MAPK10: variants seen among roughly 807,000 people sequenced by gnomAD.
The protein encoded by MAPK10 is JNK3 alpha protein kinase.
Under a neutral mutation model 59.3 loss-of-function variants are expected in MAPK10, and 25 were observed. The ratio of observed to expected loss-of-function variants is 0.42; its 90% confidence interval spans 0.31 to 0.59. MAPK10 has a LOEUF of 0.59. MAPK10 is among the 20% of genes least tolerant of loss of function. The pLI is 0.15. For synonymous variants in MAPK10, 190 were observed against 200.5 expected, an observed-to-expected ratio of 0.95 and a Z score of 0.44; for missense variants, 351 against 568.9, an observed-to-expected ratio of 0.62 and a Z score of 3.90.
chr4:86,303,285 G>C (rs1398460313), intron 2 of MAPK10, among the ~76,000 whole-genome samples: 1 of 151,994 alleles, frequency 6.6e-6, no homozygotes, highest in East Asian at 1.9e-4. Context: ...TTTGCTCTAA[G>C]TAACCAATTC....
chr4:86,264,894 T>C (rs1051297504), intron 2 of MAPK10, among the ~76,000 whole-genome samples: 18 of 144,114 alleles, frequency 1.2e-4, no homozygotes, highest in African/African-American at 3.2e-4. Flanking sequence ...TGGACTTTTT[T>C]TTTTTTTTTT....
chr4:86,210,758 G>A (rs1376466377), intron 2 of MAPK10, among the ~76,000 whole-genome samples: 2 of 151,262 alleles, frequency 1.3e-5, no homozygotes, highest in Admixed American at 1.3e-4. Context: ...CCCTGAGAAA[G>A]GCCAGATGGC....
intron 1 of MAPK10, among the ~76,000 whole-genome samples, chr4:86,540,130 G>GA (rs2149094704): frequency 6.6e-6 from 1 of 152,298 alleles, no homozygotes; most frequent in South Asian, 2.1e-4. Flanking sequence ...TGGGAGAGGA[G>GA]AAATCCATTG....
At chr4:86,050,181 C>T (rs2043252295) in intron 11 of MAPK10, among the ~76,000 whole-genome samples, 1 of 152,068 alleles carries the variant, frequency 6.6e-6, no homozygotes, top group Admixed American at 6.6e-5. Flanking sequence ...GCTTTTCTTC[C>T]TCCTAAAAAC....
At chr4:86,317,648 T>C (rs1326115821) in intron 2 of MAPK10, among the ~76,000 whole-genome samples, 6 of 152,190 alleles carry the variant, frequency 3.9e-5, no homozygotes, top group Non-Finnish European at 5.9e-5. Flanking sequence ...AACATATTAG[T>C]GAGCAGGTGC....
At chr4:86,435,600 A>G (rs1193654931) in intron 1 of MAPK10, among the ~76,000 whole-genome samples, 1 of 152,196 alleles carries the variant, frequency 6.6e-6, no homozygotes, top group Non-Finnish European at 1.5e-5. Context: ...ATGCCATCAG[A>G]GCACCCACAG....
At chr4:86,416,524 CCTATATCT>C in intron 1 of MAPK10, among the ~76,000 whole-genome samples, 1 of 152,282 alleles carries the variant, frequency 6.6e-6, no homozygotes, top group East Asian at 1.9e-4. Flanking sequence ...AAGGATACTT[CCTATATCT>C]CTCATCTGTC....
intron 13 of MAPK10, among the ~76,000 whole-genome samples, chr4:86,023,114 T>A (rs541589607): frequency 2.0e-5 from 3 of 152,234 alleles, no homozygotes; most frequent in Admixed American, 2.0e-4. Flanking sequence ...AGTTCATTTT[T>A]GTATATGATA....
At chr4:86,168,214 G>A (rs1156558922) in intron 3 of MAPK10, among the ~76,000 whole-genome samples, 2 of 152,192 alleles carry the variant, frequency 1.3e-5, no homozygotes, top group Non-Finnish European at 2.9e-5. Flanking sequence ...GTGGGTGCAG[G>A]ACAGTGGGTG....
At chr4:86,145,112 A>G (rs1232406121) in intron 4 of MAPK10, among the ~76,000 whole-genome samples, 1 of 152,216 alleles carries the variant, frequency 6.6e-6, no homozygotes, top group African/African-American at 2.4e-5. Context: ...CTCTGGGTCC[A>G]GTGATCTTTT....
At chr4:86,449,450 CAAT>C (rs1438891793) in intron 1 of MAPK10, among the ~76,000 whole-genome samples, 3 of 152,148 alleles carry the variant, frequency 2.0e-5, no homozygotes, top group African/African-American at 7.2e-5. Context: ...TCATATGTTT[CAAT>C]AATATATTTC....
At chr4:86,524,523 A>G (rs996368501) in intron 1 of MAPK10, among the ~76,000 whole-genome samples, 2 of 152,166 alleles carry the variant, frequency 1.3e-5, no homozygotes, top group African/African-American at 4.8e-5. Flanking sequence ...GTAGTCTCCT[A>G]GTTATCTCCA....
At chr4:86,567,468 C>T (rs1353716048) in intron 1 of MAPK10, among the ~76,000 whole-genome samples, 2 of 152,216 alleles carry the variant, frequency 1.3e-5, no homozygotes, top group Non-Finnish European at 1.5e-5. Flanking sequence ...GATCCACCCG[C>T]CTCGGCCTCC....
intron 1 of MAPK10, among the ~76,000 whole-genome samples, chr4:86,428,362 T>C (rs776186338): frequency 6.6e-6 from 1 of 152,180 alleles, no homozygotes; most frequent in Non-Finnish European, 1.5e-5. Flanking sequence ...TTTCACCATG[T>C]TGCCCAGACT....
At chr4:86,419,361 C>A (rs559151169) in intron 1 of MAPK10, among the ~76,000 whole-genome samples, 1 of 151,964 alleles carries the variant, frequency 6.6e-6, no homozygotes, top group Admixed American at 6.6e-5. Context: ...TAAAATATTA[C>A]CTTGCATACA....
chr4:86,199,652 G>T (rs918799380), intron 2 of MAPK10, among the ~76,000 whole-genome samples: 8 of 151,960 alleles, frequency 5.3e-5, no homozygotes, highest in African/African-American at 1.9e-4. Context: ...GGGCAGTGGG[G>T]TTCACACATG....
At chr4:86,358,383 T>C in intron 1 of MAPK10, 1 of 985,396 alleles carries the variant, frequency 1.0e-6, no homozygotes, top group Non-Finnish European at 1.2e-6. Flanking sequence ...ACACTCGTTT[T>C]CCTTCCACCT....
chr4:86,158,462 T>C (rs1562460362), intron 4 of MAPK10, among the ~76,000 whole-genome samples: 2 of 151,548 alleles, frequency 1.3e-5, no homozygotes. Context: ...ATTATGAATG[T>C]AGCAGTAATA....
chr4:86,419,747 T>C (rs148978215), intron 1 of MAPK10, among the ~76,000 whole-genome samples: 1,719 of 152,322 alleles, frequency 0.011, 14 homozygotes, highest in Middle Eastern at 0.02. Context: ...CATTTTCTGG[T>C]CTATTTTCTC....
Sources: allele counts gnomAD v4.1 joint callset (sites outside exome capture counted in the v4.1 genomes callset), GRCh38; gene constraint gnomAD v4.1.1; transcripts MANE v1.5; gene names NCBI Gene and HGNC (gene_info 2026-07-23, HGNC 2026-07-21).